The following PIP4K2A variants were observed in gnomAD, a reference collection of about 807,000 sequenced individuals.
PIP4K2A encodes phosphatidylinositol 5-phosphate 4-kinase type-2 alpha.
Under a neutral mutation model 42.9 loss-of-function variants are expected in PIP4K2A, and 14 were observed. That is an observed-to-expected ratio of 0.33 (90% CI 0.22 to 0.51). The LOEUF is 0.51. Among genes scored for constraint, PIP4K2A ranks in the 20% least tolerant of loss-of-function variants. PIP4K2A has a pLI of 0.97. For synonymous variants in PIP4K2A, 192 were observed against 192.2 expected, an observed-to-expected ratio of 1.00 and a Z score of 0.01; for missense variants, 434 against 519.8, an observed-to-expected ratio of 0.83 and a Z score of 1.61.
chr10:22,714,219 C>G lies in PIP4K2A; in HGVS notation c.108G>C (p.Pro36=). 6.2e-7 allele frequency: 1 copy of G among 1,611,676 alleles called. No homozygotes were observed. Among genetic ancestry groups the G allele is most frequent in the Non-Finnish European group, 8.5e-7 (1 of 1,178,742 alleles). The change falls in exon 1 of 10, where the codon CCG becomes CCC. Residue 36 remains proline, a synonymous_variant. Transcript: ENST00000376573. ...CCCCCCACATGAGGACGCTGAGCAG[C>G]GGGTCGCTGGCCCGAAACAGCTTCA... ...QKVKLFRASD[P]LLSVLMWGVN...
intron 1 of PIP4K2A, among the ~76,000 whole-genome samples, chr10:22,660,045 G>A (rs1839172968): frequency 6.6e-6 from 1 of 152,220 alleles, no homozygotes; most frequent in South Asian, 2.1e-4. Context: ...CACAAACTTT[G>A]ATTGTTTCCA....
chr10:22,686,705 A>G (rs1459886848), intron 1 of PIP4K2A, among the ~76,000 whole-genome samples: 1 of 152,126 alleles, frequency 6.6e-6, no homozygotes, highest in Non-Finnish European at 1.5e-5. Flanking sequence ...CCTGACTTCT[A>G]GCAATCCTCC....
intron 1 of PIP4K2A, among the ~76,000 whole-genome samples, chr10:22,708,172 G>C (rs537485586): frequency 3.3e-5 from 5 of 152,182 alleles, no homozygotes; most frequent in Non-Finnish European, 7.3e-5. Context: ...TTCCAAAAAA[G>C]AGGAATTGCC....
chr10:22,691,533 T>G (rs1002234735), intron 1 of PIP4K2A: 5 of 152,212 alleles, frequency 3.3e-5, no homozygotes, highest in Non-Finnish European at 7.3e-5. Context: ...TCCTTACTTT[T>G]TATCATAAAA....
chr10:22,621,689 G>A (rs1053756072), intron 1 of PIP4K2A, among the ~76,000 whole-genome samples: 4 of 152,196 alleles, frequency 2.6e-5, no homozygotes, highest in Admixed American at 6.5e-5. Flanking sequence ...AGTGACAGCT[G>A]TGCATTCAGA....
At chr10:22,579,350 A>G (rs1341456930) in intron 4 of PIP4K2A, among the ~76,000 whole-genome samples, 1 of 152,220 alleles carries the variant, frequency 6.6e-6, no homozygotes, top group Non-Finnish European at 1.5e-5. Flanking sequence ...CTGTCACTGA[A>G]TAAGAGTAAA....
intron 6 of PIP4K2A, among the ~76,000 whole-genome samples, chr10:22,551,554 G>C (rs1318782670): frequency 6.6e-6 from 1 of 152,186 alleles, no homozygotes; most frequent in African/African-American, 2.4e-5. Flanking sequence ...GCAGCAAACA[G>C]GATAATATAG....
intron 1 of PIP4K2A, among the ~76,000 whole-genome samples, chr10:22,631,561 C>T (rs1359638635): frequency 6.6e-6 from 1 of 152,090 alleles, no homozygotes; most frequent in East Asian, 1.9e-4. Context: ...TTTAAGCCGT[C>T]CAACTGATGG....
At chr10:22,599,095 GA>G (rs61240031) in intron 3 of PIP4K2A, among the ~76,000 whole-genome samples, 120,184 of 151,874 alleles carry the variant, frequency 0.79, 48,798 homozygotes, top group East Asian at 0.9. Context: ...AACCTTTTGG[GA>G]AAAAAACGTC....
At chr10:22,664,090 CATATATATATATACAT>C in intron 1 of PIP4K2A, among the ~76,000 whole-genome samples, 2 of 64,030 alleles carry the variant, frequency 3.1e-5, no homozygotes, top group South Asian at 3.7e-4. Flanking sequence ...TATATATATA[CATATATATATATACAT>C]ATATATATAC....
chr10:22,546,068 C>T (rs557661463), intron 7 of PIP4K2A, among the ~76,000 whole-genome samples: 1 of 152,304 alleles, frequency 6.6e-6, no homozygotes. Flanking sequence ...GTCATGCTGA[C>T]CAGGGAGACC....
intron 1 of PIP4K2A, among the ~76,000 whole-genome samples, chr10:22,665,873 C>T (rs1427186369): frequency 2.0e-5 from 3 of 151,858 alleles, no homozygotes; most frequent in African/African-American, 7.3e-5. Context: ...TATATACACA[C>T]ACACAGTTTT....
Position 22,542,130 on chromosome 10 carries a change from C to T in PIP4K2A, c.793-83G>A. On this transcript the variant is annotated intron_variant, in intron 7 of 9. Transcript: ENST00000376573. The stretch of plus-strand genomic sequence containing the variant: ...TAAAGGAGACAAGCTCGGGTGACAC[C>T]CAGAGGGAAGGCTGTGGGGTGGGGC... 5.4e-6 allele frequency: 7 copies of T among 1,298,032 alleles called. No individual in the cohort carries two copies. In the South Asian group the frequency reaches 8.4e-5, roughly 16 times the overall value. 80.4% of individuals were successfully genotyped at this position (1,298,032 alleles called of 1,614,324 possible). A position where few individuals can be genotyped will look rare whatever the true frequency, so the allele number is the denominator to read the frequency against.
intron 9 of PIP4K2A, among the ~76,000 whole-genome samples, chr10:22,537,690 G>A (rs747523009): frequency 9.9e-5 from 15 of 152,194 alleles, no homozygotes; most frequent in East Asian, 1.9e-4. Flanking sequence ...AACATTTGGC[G>A]AAAGGGAAAC....
In PIP4K2A at chr10:22,628,557, T is replaced by A. The variant is rs548126987; in HGVS notation, c.145-18840A>T. Among the ~76,000 whole-genome samples the A allele has an allele frequency of 1.7e-4, 26 of 152,318 alleles. No individual in the cohort carries two copies. The South Asian group carries it at 5.4e-3, about 32-fold the overall frequency. On this transcript the variant is annotated intron_variant, in intron 1 of 9. Coordinates refer to ENST00000376573, the MANE Select transcript of PIP4K2A (RefSeq NM_005028.5). ...GAGCCTTCAGGAAATCTTAAGAACA[T>A]GTGCCCAAGGAGGCTGGGGCAGAGC...
chr10:22,619,435 T>C (rs1352957852), intron 1 of PIP4K2A, among the ~76,000 whole-genome samples: 6 of 131,644 alleles, frequency 4.6e-5, no homozygotes, highest in African/African-American at 7.8e-5. Context: ...TCTTTTTCTT[T>C]TTTCTTTTTT....
chr10:22,591,777 G>T lies in PIP4K2A; in HGVS notation c.344C>A (p.Ser115Tyr), dbSNP rs1837518846. 2 of 1,609,254 alleles carry T rather than the reference G, an allele frequency of 1.2e-6. No homozygotes were observed. Among genetic ancestry groups the T allele is most frequent in the African/African-American group, 2.7e-5 (2 of 74,804 alleles). ...GGGGAGGGGTGCGCTCCTGGTCAGG[G>T]AATTCTTCCCGGGTGGGGTAAGAGG... ...FGIDDQDFQN[S>Y]LTRSAPLPND... Residue 115 changes from serine to tyrosine, a missense_variant, in exon 4 of 10, where the codon TCC (serine) becomes TAC (tyrosine). Coordinates refer to ENST00000376573, the MANE Select transcript of PIP4K2A (RefSeq NM_005028.5).
At chr10:22,550,805 G>A (rs374939921) in intron 6 of PIP4K2A, 33 bp from the exon 7 acceptor site, 6 of 1,363,578 alleles carry the variant, frequency 4.4e-6, no homozygotes, top group Admixed American at 1.7e-5. Context: ...TGACAAAGGC[G>A]CTTGAAGAAA....
intron 4 of PIP4K2A, 137 bp downstream of exon 4, chr10:22,591,492 A>G: frequency 1.7e-6 from 1 of 598,496 alleles, no homozygotes; most frequent in Non-Finnish European, 2.7e-6. Context: ...ATTTTAGAAC[A>G]CAGGGTTAGA....
Sources: allele counts gnomAD v4.1 joint callset (sites outside exome capture counted in the v4.1 genomes callset), GRCh38; gene constraint gnomAD v4.1.1; transcripts MANE v1.5; gene names NCBI Gene and HGNC (gene_info 2026-07-23, HGNC 2026-07-21).